ALPK2: variants seen among roughly 807,000 people sequenced by gnomAD.
ALPK2 encodes alpha kinase 2.
Under a neutral mutation model 163.1 loss-of-function variants are expected in ALPK2, and 127 were observed. The observed-to-expected ratio is 0.78, with a 90% CI of 0.67 to 0.90. The LOEUF (loss-of-function observed/expected upper bound fraction) is 0.90. Ranked by LOEUF, ALPK2 falls within the 40% of genes least tolerant of loss-of-function variation. ALPK2 has a pLI of 0.00. For synonymous variants in ALPK2, 953 were observed against 959.1 expected (o/e 0.99, Z 0.12); for missense variants, 2,360 against 2,589.6 (o/e 0.91, Z 1.92).
chr18:58,541,265 C>G (rs2051688208), intron 4 of ALPK2, among the ~76,000 whole-genome samples: 1 of 152,372 alleles, frequency 6.6e-6, no homozygotes, highest in South Asian at 2.1e-4. Flanking sequence ...TCTTGCCCGA[C>G]AGGAGCAGGA....
rs564277980 is a variant in ALPK2, at chr18:58,602,556, C to T, written c.227+4766G>A. On this transcript the variant is annotated intron_variant, in intron 3 of 12. Coordinates refer to ENST00000361673, the MANE Select transcript of ALPK2 (RefSeq NM_052947.4). ...CCAATCTCTGTCTCTGTCTTCCCAC[C>T]GCCATTTTTTCTCTGTGTGTGTCTC... is the stretch of plus-strand genomic sequence containing the variant. Among the ~76,000 whole-genome samples the T allele has an allele frequency of 5.3e-5, 8 of 152,222 alleles. No individual in the cohort carries two copies. The East Asian group carries it at 9.6e-4, about 18-fold the overall frequency.
At chr18:58,613,077 G>A (rs75404448) in intron 1 of ALPK2, among the ~76,000 whole-genome samples, 1,843 of 152,288 alleles carry the variant, frequency 0.012, 31 homozygotes, top group African/African-American at 0.041. Context: ...CTTTCCATAT[G>A]AGTGTCAGTA....
chr18:58,495,457 G>C (rs1271433790), intron 12 of ALPK2, among the ~76,000 whole-genome samples: 1 of 152,062 alleles, frequency 6.6e-6, no homozygotes, highest in Non-Finnish European at 1.5e-5. Context: ...AATGGGTCTT[G>C]GGCAGCTGTC....
At chr18:58,606,730 AG>A (rs1199865562) in intron 3 of ALPK2, among the ~76,000 whole-genome samples, 1 of 152,160 alleles carries the variant, frequency 6.6e-6, no homozygotes, top group Non-Finnish European at 1.5e-5. Flanking sequence ...GAGGATCAAA[AG>A]CACAGACCCC....
At chr18:58,509,252 A>G (rs2051477252) in intron 10 of ALPK2, among the ~76,000 whole-genome samples, 1 of 152,032 alleles carries the variant, frequency 6.6e-6, no homozygotes, top group South Asian at 2.1e-4. Flanking sequence ...CATGGTATAT[A>G]TGTGCCACAT....
At chr18:58,488,556 A>T (rs991639056) in intron 12 of ALPK2, among the ~76,000 whole-genome samples, 1 of 150,958 alleles carries the variant, frequency 6.6e-6, no homozygotes, top group African/African-American at 2.4e-5. Flanking sequence ...AGAGAAACCA[A>T]GGTTCTTGGC....
intron 4 of ALPK2, among the ~76,000 whole-genome samples, chr18:58,550,794 C>T (rs1220892851): frequency 6.7e-6 from 1 of 148,432 alleles, no homozygotes; most frequent in East Asian, 2.1e-4. Flanking sequence ...TCCACATCTC[C>T]ATCACATACA....
chr18:58,589,341 C>T (rs1450860844), intron 3 of ALPK2, among the ~76,000 whole-genome samples: 5 of 152,212 alleles, frequency 3.3e-5, no homozygotes, highest in Middle Eastern at 3.4e-3. Context: ...AGGAGGAGGC[C>T]GGTTCCATCA....
chr18:58,603,983 C>T (rs2144224010), intron 3 of ALPK2, among the ~76,000 whole-genome samples: 1 of 152,296 alleles, frequency 6.6e-6, no homozygotes, highest in Non-Finnish European at 1.5e-5. Context: ...CCCGCCGTCT[C>T]ACTTGCCTGA....
rs1191889224 is a variant in ALPK2, at chr18:58,536,688, T to C, written c.3499A>G (p.Arg1167Gly). The C allele has an allele frequency of 6.2e-7, 1 of 1,614,196 alleles. No individual in the cohort carries two copies. Among genetic ancestry groups the C allele is most frequent in the Non-Finnish European group, 8.5e-7 (1 of 1,180,032 alleles). The change falls in exon 5 of 13, where the codon AGA becomes GGA. Residue 1167 changes from arginine to glycine, a missense_variant. Transcript: ENST00000361673. ...GAGTGGGCCGTGGGCACCAAGTTTC[T>C]TTCCTCTTGTGCAGCAGATGTCGTA... ...LPTTSAAQEE[R>G]NLVPTAHSPA...
intron 4 of ALPK2, among the ~76,000 whole-genome samples, chr18:58,568,728 T>A (rs1036182555): frequency 2.0e-5 from 3 of 152,238 alleles, no homozygotes; most frequent in African/African-American, 7.2e-5. Context: ...GTATAACAAC[T>A]ATTCACGTAG....
Position 58,481,327 on chromosome 18 carries a change from AC to A in ALPK2, c.*495del, listed in dbSNP as rs2051310101. On this transcript the variant is annotated 3_prime_UTR_variant, in exon 13 of 13. Coordinates refer to ENST00000361673, the MANE Select transcript of ALPK2 (RefSeq NM_052947.4). ...ATGGGAAATGGCTTCACGTCACAGAACCCACCTCCGGCAACAATAGCGTATT... is the reference window on the plus strand; with the variant it reads ...ATGGGAAATGGCTTCACGTCACAGAACCACCTCCGGCAACAATAGCGTATT... 6.3e-6 allele frequency: 1 copy of A among 159,928 alleles called. No homozygotes were observed. The highest frequency in any genetic ancestry group is 1.4e-5 in the Non-Finnish European group (1 of 72,640). 9.9% of individuals were successfully genotyped at this position (159,928 alleles called of 1,614,324 possible).
At chr18:58,581,159 A>G (rs1157843809) in intron 3 of ALPK2, among the ~76,000 whole-genome samples, 2 of 152,086 alleles carry the variant, frequency 1.3e-5, no homozygotes, top group Admixed American at 6.5e-5. Flanking sequence ...CATCATTTTT[A>G]TGTTACGGGA....
intron 1 of ALPK2, among the ~76,000 whole-genome samples, chr18:58,627,901 C>A (rs1286868161): frequency 6.6e-6 from 1 of 152,132 alleles, no homozygotes; most frequent in African/African-American, 2.4e-5. Flanking sequence ...TCTGGAATGA[C>A]CATTCCTGGT....
chr18:58,624,403 C>T (rs1435427287), intron 1 of ALPK2, among the ~76,000 whole-genome samples: 3 of 151,850 alleles, frequency 2.0e-5, no homozygotes, highest in Admixed American at 6.6e-5. Flanking sequence ...ATGGTATGAG[C>T]AATAAATCCC....
At chr18:58,522,061 A>G (rs1568073450) in intron 8 of ALPK2, among the ~76,000 whole-genome samples, 1 of 152,214 alleles carries the variant, frequency 6.6e-6, no homozygotes, top group Non-Finnish European at 1.5e-5. Context: ...AACTCAGTAC[A>G]TGCAGTAAAT....
intron 4 of ALPK2, among the ~76,000 whole-genome samples, chr18:58,561,840 A>G (rs1397073874): frequency 6.6e-6 from 1 of 152,208 alleles, no homozygotes; most frequent in African/African-American, 2.4e-5. Flanking sequence ...CAGGTGGTGG[A>G]AACTTCACCT....
chr18:58,597,604 T>C lies in ALPK2; in HGVS notation c.227+9718A>G, dbSNP rs749262297. Among the ~76,000 whole-genome samples, 237 of 152,294 alleles carry C rather than the reference T, an allele frequency of 1.6e-3. 3 individuals carry two copies. The highest frequency in any genetic ancestry group is 3.4e-3 in the Middle Eastern group (1 of 294). On this transcript the variant is annotated intron_variant, in intron 3 of 12. Coordinates refer to ENST00000361673, the MANE Select transcript of ALPK2 (RefSeq NM_052947.4). ...TACTTATGATACTTAGTGTGTCTAC[T>C]TACACTCTCACAGAGTGCTGCAGAT...
At chr18:58,601,650 A>C (rs1052032205) in intron 3 of ALPK2, among the ~76,000 whole-genome samples, 3 of 152,140 alleles carry the variant, frequency 2.0e-5, no homozygotes, top group Non-Finnish European at 4.4e-5. Flanking sequence ...GGAGGAGAGC[A>C]AGGCGGGCTA....
Sources: allele counts gnomAD v4.1 joint callset (sites outside exome capture counted in the v4.1 genomes callset), GRCh38; gene constraint gnomAD v4.1.1; transcripts MANE v1.5; gene names NCBI Gene and HGNC (gene_info 2026-07-23, HGNC 2026-07-21).